Variants in ZNF254 observed in about 807,000 individuals in gnomAD.
ZNF254 encodes the protein zinc finger protein 254.
In ZNF254, 10 loss-of-function variants were observed where a neutral mutation model predicts 12.4. That is an observed-to-expected ratio of 0.80 (90% CI 0.50 to 1.36). The LOEUF (loss-of-function observed/expected upper bound fraction) is 1.36. Among genes scored for constraint, ZNF254 ranks in the 40% most tolerant of loss-of-function variants. The probability of loss-of-function intolerance (pLI) is 0.00; values close to 1 mark genes in which losing one functional copy is unlikely to be tolerated. For missense variants in ZNF254, 996 were observed against 763.9 expected, an observed-to-expected ratio of 1.30 and a Z score of -3.58; for synonymous variants, 305 against 253.4, an observed-to-expected ratio of 1.20 and a Z score of -1.93.
intron 3 of ZNF254, among the ~76,000 whole-genome samples, chr19:24,123,500 T>G (rs1170948405): frequency 6.6e-6 from 1 of 152,200 alleles, no homozygotes; most frequent in Non-Finnish European, 1.5e-5. Context: ...AAGTGTGGTA[T>G]TAAAATATCT....
intron 3 of ZNF254, among the ~76,000 whole-genome samples, chr19:24,119,067 A>G (rs922243177): frequency 6.6e-6 from 1 of 152,058 alleles, no homozygotes. Flanking sequence ...ATTGGAGAGC[A>G]TGCCACCACA....
At position 24,126,350 on chromosome 19, in the gene ZNF254, A is replaced by G; in HGVS notation, c.350A>G (p.His117Arg). 1 of 1,609,654 alleles carries G rather than the reference A, an allele frequency of 6.2e-7. No individual in the cohort carries two copies. Among genetic ancestry groups the G allele is most frequent in the Non-Finnish European group, 8.5e-7 (1 of 1,178,176 alleles). ...AILRRYGKYG[H>R]ENLQLRKGCK... ...CTGAGAAGATATGGAAAATATGGAC[A>G]TGAGAATTTACAGTTAAGAAAAGGC... The change falls in exon 4 of 4, where the codon CAT (histidine) becomes CGT (arginine). Residue 117 changes from histidine (H) to arginine (R), a missense_variant. Transcript: ENST00000357002.
intron 2 of ZNF254, among the ~76,000 whole-genome samples, chr19:24,057,560 T>G (rs988654812): frequency 2.0e-5 from 3 of 152,238 alleles, no homozygotes; most frequent in African/African-American, 7.2e-5. Flanking sequence ...CATTGTACAG[T>G]TGAGGTTTTG....
intron 3 of ZNF254, chr19:24,107,269 C>A (rs1467952434): frequency 9.4e-6 from 6 of 635,762 alleles, no homozygotes; most frequent in South Asian, 1.8e-5. Context: ...ATAAGGAGTT[C>A]TTTAAATCTA....
At position 24,127,719 on chromosome 19, in the gene ZNF254, C is replaced by T; in HGVS notation, c.1719C>T (p.Pro573=). 1.2e-6 allele frequency: 2 copies of T among 1,612,994 alleles called. No homozygotes were observed. Among genetic ancestry groups the T allele is most frequent in the Non-Finnish European group, 1.7e-6 (2 of 1,179,614 alleles). ...NHKRIHTGEK[P]YKCEECGKSF... The stretch of plus-strand genomic sequence containing the variant: ...AGAGAATTCATACTGGAGAGAAACC[C>T]TATAAATGTGAAGAATGTGGCAAAT... Residue 573 remains proline (P), a synonymous_variant, in exon 4 of 4, where the codon CCC becomes CCT. Coordinates refer to ENST00000357002, the MANE Select transcript of ZNF254 (RefSeq NM_203282.4).
Position 24,126,362 on chromosome 19 carries a change from A to T in ZNF254, c.362A>T (p.Gln121Leu). ...RYGKYGHENL[Q>L]LRKGCKSVDE... is the part of the protein sequence containing the mutation. ...GGAAAATATGGACATGAGAATTTAC[A>T]GTTAAGAAAAGGCTGTAAAAGTGTG... The change falls in exon 4 of 4, where the codon CAG becomes CTG. Residue 121 changes from glutamine (Q) to leucine (L), a missense_variant. Coordinates refer to ENST00000357002, the MANE Select transcript of ZNF254 (RefSeq NM_203282.4). 6.2e-7 allele frequency: 1 copy of T among 1,609,492 alleles called. No homozygotes were observed. Among genetic ancestry groups the T allele is most frequent in the South Asian group, 1.1e-5 (1 of 90,070 alleles).
At chr19:24,041,176 C>A (rs1254630809) in intron 1 of ZNF254, among the ~76,000 whole-genome samples, 1 of 152,260 alleles carries the variant, frequency 6.6e-6, no homozygotes, top group Non-Finnish European at 1.5e-5. Context: ...CCCTCGCTTG[C>A]TCTCGGCACC....
At chr19:24,108,294 G>C (rs1413438617) in intron 3 of ZNF254, among the ~76,000 whole-genome samples, 1 of 152,150 alleles carries the variant, frequency 6.6e-6, no homozygotes, top group Non-Finnish European at 1.5e-5. Context: ...ACTGTGACTG[G>C]GAAGAGTTTG....
At chr19:24,035,921 T>A (rs1409235267) in intron 1 of ZNF254, among the ~76,000 whole-genome samples, 1 of 152,206 alleles carries the variant, frequency 6.6e-6, no homozygotes, top group Non-Finnish European at 1.5e-5. Context: ...AGGAATTTCT[T>A]TAATCACTGC....
intron 1 of ZNF254, among the ~76,000 whole-genome samples, chr19:24,093,713 G>A (rs1024022374): frequency 6.6e-6 from 1 of 152,148 alleles, no homozygotes; most frequent in East Asian, 1.9e-4. Context: ...TTGAAGACAG[G>A]TAATGTAATG....
At chr19:24,062,105 A>G (rs1200111368) in intron 2 of ZNF254, among the ~76,000 whole-genome samples, 14 of 149,282 alleles carry the variant, frequency 9.4e-5, no homozygotes, top group Admixed American at 6.7e-4. Flanking sequence ...AAAAAAAAGA[A>G]AAAGAAAAAG....
intron 3 of ZNF254, among the ~76,000 whole-genome samples, chr19:24,120,805 C>T (rs866956190): frequency 4.0e-5 from 6 of 151,862 alleles, no homozygotes; most frequent in South Asian, 2.1e-4. Flanking sequence ...TGGAACTATA[C>T]GCGGCTGCCA....
chr19:24,054,175 C>T (rs1166259963), intron 2 of ZNF254, among the ~76,000 whole-genome samples: 1 of 152,086 alleles, frequency 6.6e-6, no homozygotes. Flanking sequence ...GTTGCCTGTG[C>T]TGTGCTTTCA....
At chr19:24,083,103 A>G (rs1971908889), upstream of ZNF254, among the ~76,000 whole-genome samples, 1 of 152,202 alleles carries the variant, frequency 6.6e-6, no homozygotes, top group Non-Finnish European at 1.5e-5. Context: ...AGATCTGATC[A>G]ATTCAGTAAA....
chr19:24,069,804 T>C (rs2145482379), intron 2 of ZNF254, among the ~76,000 whole-genome samples: 1 of 150,220 alleles, frequency 6.7e-6, no homozygotes, highest in Non-Finnish European at 1.5e-5. Context: ...TACAAAAAAT[T>C]AGCCAGATGT....
chr19:24,054,721 G>A (rs990650484), intron 2 of ZNF254, among the ~76,000 whole-genome samples: 1 of 152,196 alleles, frequency 6.6e-6, no homozygotes, highest in African/African-American at 2.4e-5. Context: ...TCCAACCACA[G>A]TTGAGATGGT....
intron 1 of ZNF254, among the ~76,000 whole-genome samples, chr19:24,043,572 A>G (rs1970259643): frequency 6.6e-6 from 1 of 152,154 alleles, no homozygotes; most frequent in Non-Finnish European, 1.5e-5. Flanking sequence ...AAAGCAAAAA[A>G]TTTTAAGAAA....
chr19:24,119,546 G>A (rs1033336967), intron 3 of ZNF254, among the ~76,000 whole-genome samples: 2 of 152,076 alleles, frequency 1.3e-5, no homozygotes, highest in Non-Finnish European at 2.9e-5. Flanking sequence ...CTGGTTTGCA[G>A]TGTTGTGATC....
chr19:24,045,667 CAAAAAAAA>C (rs35872820), intron 1 of ZNF254, among the ~76,000 whole-genome samples: 1 of 88,808 alleles, frequency 1.1e-5, no homozygotes, highest in Non-Finnish European at 2.3e-5. Flanking sequence ...GACTCTGTCT[CAAAAAAAA>C]AAAAAAAAAA....
Sources: allele counts gnomAD v4.1 joint callset (sites outside exome capture counted in the v4.1 genomes callset), GRCh38; gene constraint gnomAD v4.1.1; transcripts MANE v1.5; gene names NCBI Gene and HGNC (gene_info 2026-07-23, HGNC 2026-07-21).